MAPK6: variants seen among roughly 807,000 people sequenced by gnomAD.
MAPK6 encodes the protein ERK-3.
In MAPK6, 19 loss-of-function variants were observed where a neutral mutation model predicts 59.3. The observed-to-expected ratio is 0.32, with a 90% CI of 0.22 to 0.47. The LOEUF is 0.47. MAPK6 is among the 20% of genes least tolerant of loss of function. The pLI is 1.00. For missense variants in MAPK6, 724 were observed against 847.9 expected (o/e 0.85, Z 1.81); for synonymous variants, 316 against 290.3 (o/e 1.09, Z -0.90).
chr15:52,045,053 C>CAA (rs143919444), intron 1 of MAPK6, among the ~76,000 whole-genome samples: 1 of 147,812 alleles, frequency 6.8e-6, no homozygotes, highest in Non-Finnish European at 1.5e-5. Context: ...TTTTCTTTAC[C>CAA]AAAAAAAAAT....
Position 52,050,088 on chromosome 15 carries a change from T to G in MAPK6, c.651T>G (p.Ala217=). Residue 217 remains alanine, a synonymous_variant, in exon 3 of 6, where the codon GCT becomes GCG. Coordinates refer to ENST00000261845, the MANE Select transcript of MAPK6 (RefSeq NM_002748.4). ...NNYTKAIDMW[A]AGCIFAEMLT... is the part of the protein sequence containing the mutation. ...ATACTAAAGCCATTGACATGTGGGCTGCAGGCTGCATCTTTGCTGAAATGC... is the reference window on the plus strand; with the variant it reads ...ATACTAAAGCCATTGACATGTGGGCGGCAGGCTGCATCTTTGCTGAAATGC... 1 of 1,612,872 alleles carries G rather than the reference T, an allele frequency of 6.2e-7. No homozygotes were observed. The highest frequency in any genetic ancestry group is 8.5e-7 in the Non-Finnish European group (1 of 1,179,618).
chr15:51,982,637 C>T lies in MAPK6; in HGVS notation c.-879-569C>T, dbSNP rs139229457. ...CCTTTAGATAGCAATCAAAACACTTCTTATGATAAAATGAGGCAGTGTTTT... is the reference window on the plus strand; with the variant it reads ...CCTTTAGATAGCAATCAAAACACTTTTTATGATAAAATGAGGCAGTGTTTT... On this transcript the variant is annotated intron_variant, in intron 1 of 7. Coordinates refer to the MAPK6 transcript ENST00000691380. Among the ~76,000 whole-genome samples, 33 of 151,996 alleles carry T rather than the reference C, an allele frequency of 2.2e-4. No homozygotes were observed. In the East Asian group the frequency reaches 6.4e-3, roughly 29 times the overall value.
upstream of MAPK6, among the ~76,000 whole-genome samples, chr15:52,015,247 C>T (rs1046713044): frequency 1.1e-4 from 17 of 150,858 alleles, no homozygotes; most frequent in South Asian, 2.1e-4. Context: ...GTGATCTACC[C>T]GCCTCAGCTT....
chr15:51,983,284 C>T (rs534668659), exon 2 of MAPK6, among the ~76,000 whole-genome samples: 19 of 146,672 alleles, frequency 1.3e-4, no homozygotes, highest in Non-Finnish European at 2.6e-4. Flanking sequence ...GTCGGGAGTT[C>T]GAGACCAGCC....
chr15:51,983,989 A>T (rs74802586), intron 2 of MAPK6, among the ~76,000 whole-genome samples: 2,993 of 122,560 alleles, frequency 0.024, 46 homozygotes, highest in Non-Finnish European at 0.027. Flanking sequence ...CTGTCTCATT[A>T]AAAAAAAAAA....
intron 1 of MAPK6, among the ~76,000 whole-genome samples, chr15:52,034,286 C>G (rs1403943782): frequency 1.3e-5 from 2 of 151,746 alleles, no homozygotes; most frequent in East Asian, 3.9e-4. Context: ...TGCCCGGACT[C>G]CTGGTTGCTT....
chr15:52,016,175 T>G (rs180716561), upstream of MAPK6, among the ~76,000 whole-genome samples: 2 of 137,124 alleles, frequency 1.5e-5, no homozygotes, highest in Admixed American at 7.4e-5. Flanking sequence ...CCAAGGCGGG[T>G]GGTCAGGAGT....
upstream of MAPK6, among the ~76,000 whole-genome samples, chr15:52,016,052 T>G (rs1236042142): frequency 1.5e-5 from 1 of 68,720 alleles, no homozygotes; most frequent in Non-Finnish European, 2.7e-5. Context: ...CCAAACTCCA[T>G]CGCGCGCGCG....
intron 3 of MAPK6, among the ~76,000 whole-genome samples, chr15:52,007,870 G>A (rs867001895): frequency 2.1e-5 from 3 of 142,524 alleles, no homozygotes; most frequent in South Asian, 2.2e-4. Flanking sequence ...TTTTTGAGAC[G>A]GAGTTCCACT....
chr15:52,005,305 A>T (rs975771642), intron 3 of MAPK6, among the ~76,000 whole-genome samples: 15 of 152,080 alleles, frequency 9.9e-5, no homozygotes, highest in Non-Finnish European at 1.5e-5. Flanking sequence ...AGGGCAGATC[A>T]CCTGAGGTCA....
intron 3 of MAPK6, among the ~76,000 whole-genome samples, chr15:52,005,565 A>C (rs1199045192): frequency 6.6e-6 from 1 of 151,912 alleles, no homozygotes; most frequent in Non-Finnish European, 1.5e-5. Context: ...GGCTTAACTT[A>C]GGTGAATGAT....
chr15:51,986,460 G>T (rs1470470670), intron 2 of MAPK6, among the ~76,000 whole-genome samples: 1 of 152,090 alleles, frequency 6.6e-6, no homozygotes, highest in Non-Finnish European at 1.5e-5. Context: ...CATGGAGTTT[G>T]CAGCTGAGTG....
At chr15:52,016,614 C>T (rs966856298), upstream of MAPK6, among the ~76,000 whole-genome samples, 1 of 152,300 alleles carries the variant, frequency 6.6e-6, no homozygotes, top group South Asian at 2.1e-4. Flanking sequence ...GCCCTCTGTT[C>T]TACTGAGTTT....
intron 3 of MAPK6, 67 bp downstream of exon 3, chr15:52,050,204 A>G: frequency 2.3e-6 from 3 of 1,321,096 alleles, no homozygotes; most frequent in Non-Finnish European, 3.2e-6. Flanking sequence ...CTCTGAAGCA[A>G]GATTCATATA....
chr15:51,972,678 C>G (rs1449018297), intron 1 of MAPK6, among the ~76,000 whole-genome samples: 1 of 149,328 alleles, frequency 6.7e-6, no homozygotes, highest in South Asian at 2.1e-4. Flanking sequence ...AAAAATTAGC[C>G]GGGCGTGGTT....
chr15:52,056,621 A>G (rs2031993739), intron 3 of MAPK6: 1 of 152,136 alleles, frequency 6.6e-6, no homozygotes, highest in African/African-American at 2.4e-5. Context: ...GTTGCAATTG[A>G]TCTTCACCTC....
Position 52,064,528 on chromosome 15 carries a change from T to C in MAPK6, c.1694T>C (p.Leu565Ser), listed in dbSNP as rs752528392. The C allele has an allele frequency of 2.5e-6, 4 of 1,610,676 alleles. No homozygotes were observed. In the South Asian group the frequency reaches 4.4e-5, roughly 18 times the overall value. The change falls in exon 6 of 6, where the codon TTG (leucine) becomes TCG (serine). Residue 565 changes from leucine (L) to serine (S), a missense_variant. Physicochemically the swap from Leu to Ser is moderately radical, Grantham distance 145. Coordinates refer to ENST00000261845, the MANE Select transcript of MAPK6 (RefSeq NM_002748.4). ...SSVSQLELKS[L>S]ISKSVSQEKQ... ...GTGTCCCAACTAGAATTGAAAAGTT[T>C]GATATCAAAGTCAGTAAGCCAAGAA...
intron 2 of MAPK6, among the ~76,000 whole-genome samples, chr15:51,999,051 C>T (rs2057234841): frequency 1.4e-5 from 2 of 147,580 alleles, no homozygotes; most frequent in Non-Finnish European, 3.0e-5. Flanking sequence ...TGCAGTGGCA[C>T]CAGGCACCAC....
chr15:52,055,825 A>G (rs140354024), intron 3 of MAPK6, among the ~76,000 whole-genome samples: 368 of 152,268 alleles, frequency 2.4e-3, no homozygotes, highest in African/African-American at 8.4e-3. Context: ...GTATTTGTGT[A>G]TTTTTAAATG....
Sources: gnomAD v4.1 joint callset for allele counts (sites outside exome capture counted in the v4.1 genomes callset) on GRCh38, gnomAD v4.1.1 for gene constraint, MANE v1.5 for transcripts, NCBI Gene and HGNC (gene_info 2026-07-23, HGNC 2026-07-21) for gene names.